The following BICRA variants were observed in gnomAD, a reference collection of about 807,000 sequenced individuals.
The protein encoded by BICRA is BRD4-interacting chromatin-remodeling complex-associated protein.
Under a neutral mutation model 96.9 loss-of-function variants are expected in BICRA, and 31 were observed. The ratio of observed to expected loss-of-function variants is 0.32; its 90% CI spans 0.24 to 0.43. BICRA has a LOEUF of 0.43. BICRA is among the 20% of genes least tolerant of loss of function. BICRA has a pLI of 1.00. For missense variants in BICRA, 2,283 were observed against 2,190.3 expected, an observed-to-expected ratio of 1.04 and a Z score of -0.84; for synonymous variants, 1,350 against 1,071.8, an observed-to-expected ratio of 1.26 and a Z score of -5.07.
chr19:47,681,309 G>C (rs1436198539), intron 6 of BICRA, 33 bp downstream of exon 6: 3 of 1,534,616 alleles, frequency 2.0e-6, no homozygotes, highest in East Asian at 2.4e-5. Context: ...GCAGGTACCG[G>C]AGGAGGCGGG....
At chr19:47,694,807 A>G in intron 8 of BICRA, 81 bp downstream of exon 8, 1 of 1,123,654 alleles carries the variant, frequency 8.9e-7, no homozygotes, top group Non-Finnish European at 1.3e-6. Context: ...CCTCCGCCTT[A>G]CGGCTCTGTG....
At chr19:47,665,700 G>A (rs1972768506) in intron 1 of BICRA, among the ~76,000 whole-genome samples, 1 of 152,136 alleles carries the variant, frequency 6.6e-6, no homozygotes, top group Non-Finnish European at 1.5e-5. Context: ...TCTGGGTTGA[G>A]AGCAGCAAGA....
chr19:47,660,950 C>T (rs1200808147), intron 1 of BICRA, among the ~76,000 whole-genome samples: 2 of 152,254 alleles, frequency 1.3e-5, no homozygotes, highest in Non-Finnish European at 2.9e-5. Flanking sequence ...TGGCTCACGC[C>T]TCTAATCCCA....
Position 47,675,960 on chromosome 19 carries a change from GC to G in BICRA, c.150+46del. 7.1e-7 allele frequency: 1 copy of G among 1,417,904 alleles called. No homozygotes were observed. Among genetic ancestry groups the G allele is most frequent in the Non-Finnish European group, 9.8e-7 (1 of 1,019,748 alleles). The allele number at this position is 1,417,904 out of a possible 1,614,324, so 87.8% of individuals were successfully genotyped here. A position where few individuals can be genotyped will look rare whatever the true frequency, so the allele number is the denominator to read the frequency against. Reference sequence around the variant, plus strand: ...GATCATTGCCTGAGCTGTTGGGGCTGCCAGCGGGAGGAGGGCCCTGAAGCCA... The same window carrying G: ...GATCATTGCCTGAGCTGTTGGGGCTGCAGCGGGAGGAGGGCCCTGAAGCCA... On this transcript the variant is annotated intron_variant, in intron 5 of 14. Transcript: ENST00000594866. This position sits in a 1 kb window ranked among gnomAD's most constrained non-coding sequence, Gnocchi z 4.7.
chr19:47,609,042 A>C (rs1971852601), upstream of BICRA: 1 of 145,340 alleles, frequency 6.9e-6, no homozygotes, highest in Non-Finnish European at 1.5e-5. Context: ...GCGGCTGCCG[A>C]GCGGCCGCCA....
intron 1 of BICRA, among the ~76,000 whole-genome samples, chr19:47,634,166 G>A (rs923819192): frequency 9.2e-5 from 14 of 152,186 alleles, no homozygotes; most frequent in African/African-American, 3.1e-4. Flanking sequence ...GAGCAGTGGC[G>A]TCAGGCCTTG....
intron 5 of BICRA, chr19:47,679,071 T>G: frequency 2.8e-6 from 1 of 352,120 alleles, no homozygotes. Flanking sequence ...TGACTAATTT[T>G]TCTTTTTTAA....
At chr19:47,669,513 A>G (rs1972831229) in intron 1 of BICRA, among the ~76,000 whole-genome samples, 1 of 152,120 alleles carries the variant, frequency 6.6e-6, no homozygotes, top group Admixed American at 6.5e-5. Context: ...GACATAGTAT[A>G]ATGTTATATA....
intron 1 of BICRA, among the ~76,000 whole-genome samples, chr19:47,613,383 G>A (rs1971938180): frequency 6.6e-6 from 1 of 152,134 alleles, no homozygotes; most frequent in Non-Finnish European, 1.5e-5. Flanking sequence ...AGGAAAACAT[G>A]GCATTCCTTT....
intron 1 of BICRA, among the ~76,000 whole-genome samples, chr19:47,661,480 A>G (rs951401305): frequency 1.0e-4 from 15 of 150,658 alleles, no homozygotes; most frequent in African/African-American, 3.7e-4. Flanking sequence ...CGGGCCGGGG[A>G]GGAGGGCTTT....
At chr19:47,622,316 C>T (rs1432091085) in intron 1 of BICRA, among the ~76,000 whole-genome samples, 2 of 151,666 alleles carry the variant, frequency 1.3e-5, no homozygotes, top group African/African-American at 4.8e-5. Flanking sequence ...AGGCTAGTCT[C>T]GAACTCCTGA....
intron 4 of BICRA, among the ~76,000 whole-genome samples, chr19:47,674,541 T>G (rs537134088): frequency 6.6e-6 from 1 of 152,254 alleles, no homozygotes; most frequent in East Asian, 1.9e-4. Context: ...TTAGAGCTCT[T>G]GCAGTGTCTG....
intron 1 of BICRA, among the ~76,000 whole-genome samples, chr19:47,657,301 T>A (rs991040416): frequency 6.6e-6 from 1 of 152,246 alleles, no homozygotes; most frequent in Non-Finnish European, 1.5e-5. Context: ...TGCCAAACTG[T>A]ATTCTGTCGT....
Position 47,680,206 on chromosome 19 carries a change from C to A in BICRA, c.1036C>A (p.Arg346Ser). ...CCCGGCGCCCAACGTGATCCTGCAT[C>A]GCACACCCACGCCCATCCAGCCCAA... ...LVPAPNVILH[R>S]TPTPIQPKPA... is the part of the protein sequence containing the mutation. Residue 346 changes from arginine to serine, a missense_variant, in exon 6 of 15, where the codon CGC (arginine) becomes AGC (serine). Coordinates refer to ENST00000594866, the MANE Select transcript of BICRA (RefSeq NM_001394372.1). 6.4e-7 allele frequency: 1 copy of A among 1,553,738 alleles called. No homozygotes were observed. Among genetic ancestry groups the A allele is most frequent in the Non-Finnish European group, 8.6e-7 (1 of 1,158,376 alleles).
Position 47,680,490 on chromosome 19 carries a change from C to G in BICRA, c.1320C>G (p.Pro440=). The G allele has an allele frequency of 1.3e-6, 2 of 1,542,358 alleles. No homozygotes were observed. The highest frequency in any genetic ancestry group is 1.7e-6 in the Non-Finnish European group (2 of 1,145,374). ...CCGGAGCGGCCCCGCCGCAGCCCCCCGGGGCCCTGAGCAAACCCATGAGCG... is the reference window on the plus strand; with the variant it reads ...CCGGAGCGGCCCCGCCGCAGCCCCCGGGGGCCCTGAGCAAACCCATGAGCG... The part of the protein sequence containing the change: ...TTTGAAPPQP[P]GALSKPMSVH... The change falls in exon 6 of 15, where the codon CCC becomes CCG. Residue 440 remains proline (P), a synonymous_variant. Coordinates refer to ENST00000594866, the MANE Select transcript of BICRA (RefSeq NM_001394372.1).
At position 47,694,395 on chromosome 19, in the gene BICRA, C is replaced by G. The variant is rs778576690; in HGVS notation, c.2564C>G (p.Pro855Arg). Residue 855 changes from proline to arginine, a missense_variant, in exon 8 of 15, where the codon CCA becomes CGA. By Grantham distance (103) the Pro-to-Arg change is moderately radical. Transcript: ENST00000594866. ...GCCAGCAACCCGGCCCCTACTGCCC[C>G]AGGCCCGCCGCAGCCGCCTCTCCGC... ...PPASNPAPTA[P>R]GPPQPPLRPQ... is the part of the protein sequence containing the mutation. 1.4e-5 allele frequency: 15 copies of G among 1,107,390 alleles called. No homozygotes were observed. The African/African-American group carries it at 2.2e-4, about 16-fold the overall frequency. 68.6% of individuals were successfully genotyped at this position (1,107,390 alleles called of 1,614,324 possible).
At chr19:47,651,005 A>C (rs1972532227) in intron 1 of BICRA, among the ~76,000 whole-genome samples, 1 of 152,038 alleles carries the variant, frequency 6.6e-6, no homozygotes, top group South Asian at 2.1e-4. Context: ...TGGCCAATCC[A>C]TCTGCAAACC....
intron 1 of BICRA, among the ~76,000 whole-genome samples, chr19:47,665,846 G>T (rs1410060429): frequency 6.6e-6 from 1 of 152,190 alleles, no homozygotes; most frequent in Non-Finnish European, 1.5e-5. Flanking sequence ...AAGAACCCTG[G>T]TACCTGGCTG....
chr19:47,668,019 C>T (rs1044426202), intron 1 of BICRA, among the ~76,000 whole-genome samples: 1 of 149,716 alleles, frequency 6.7e-6, no homozygotes, highest in Admixed American at 6.6e-5. Context: ...CACCTGAGGT[C>T]AGGAGTTCAG....
Sources: allele counts gnomAD v4.1 joint callset (sites outside exome capture counted in the v4.1 genomes callset), GRCh38; gene constraint gnomAD v4.1.1; non-coding constraint Gnocchi (gnomAD v3.1); transcripts MANE v1.5; gene names NCBI Gene and HGNC (gene_info 2026-07-23, HGNC 2026-07-21).